Variants in CTBP2 observed in about 807,000 individuals in gnomAD.
CTBP2 encodes the protein C-terminal binding protein 2.
A neutral mutation model predicts 80.3 loss-of-function variants in CTBP2; 30 were observed. That is an observed-to-expected ratio of 0.37 (90% CI 0.28 to 0.51). CTBP2 has a LOEUF of 0.51. Ranked by LOEUF, CTBP2 falls within the 20% of genes least tolerant of loss-of-function variation. The pLI, the probability that CTBP2 is intolerant of heterozygous loss-of-function variation, is 0.93. For missense variants in CTBP2, 1,212 were observed against 1,375.3 expected (o/e 0.88, Z 1.88); for synonymous variants, 594 against 587.4 (o/e 1.01, Z -0.16).
intron 1 of CTBP2, among the ~76,000 whole-genome samples, chr10:125,010,791 A>G (rs1285846059): frequency 6.6e-6 from 1 of 152,140 alleles, no homozygotes; most frequent in Non-Finnish European, 1.5e-5. Flanking sequence ...CATGAAGCAC[A>G]CCTTCTAAAC....
chr10:125,067,310 T>C (rs1844799999), intron 2 of CTBP2, among the ~76,000 whole-genome samples: 1 of 152,092 alleles, frequency 6.6e-6, no homozygotes, highest in Non-Finnish European at 1.5e-5. Context: ...AGAAAGACAG[T>C]GACATACAAG....
At chr10:125,014,615 A>G (rs1021863558) in intron 1 of CTBP2, among the ~76,000 whole-genome samples, 3 of 152,252 alleles carry the variant, frequency 2.0e-5, no homozygotes, top group African/African-American at 4.8e-5. Flanking sequence ...AAATGGCCCA[A>G]ATGCCCTGTG....
chr10:125,041,499 T>TCCCCCCCCCCCCCCCCCCCCCC (rs1227689438), intron 2 of CTBP2, among the ~76,000 whole-genome samples: 1 of 30,310 alleles, frequency 3.3e-5, no homozygotes, highest in Non-Finnish European at 7.3e-5. Flanking sequence ...CTTTTGTCCA[T>TCCCCCCCCCCCCCCCCCCCCCC]CCCCACCCCC....
In CTBP2 at chr10:125,103,706, C is replaced by T. The variant is rs377149848; in HGVS notation, c.-102+7284G>A. Among the ~76,000 whole-genome samples, 178 of 152,234 alleles carry T rather than the reference C, an allele frequency of 1.2e-3. 2 individuals are homozygous for T. The highest frequency in any genetic ancestry group is 4.0e-3 in the African/African-American group (168 of 41,532). Reference sequence around the variant, plus strand: ...GCAGGCCCCATCCATGCCCCCCAGGCGTCCCACCACCGCGGAAGTGGGTGA... The same window carrying T: ...GCAGGCCCCATCCATGCCCCCCAGGTGTCCCACCACCGCGGAAGTGGGTGA... On this transcript the variant is annotated intron_variant, in intron 2 of 10. Transcript: ENST00000337195.
rs1952038163 is a variant in CTBP2, at chr10:124,986,287, GCGCGCACACACACA to G, written c.*3217_*3230del. 2.7e-5 allele frequency: 2 copies of G among 73,094 alleles called. No homozygotes were observed. The highest frequency in any genetic ancestry group is 8.4e-5 in the African/African-American group (2 of 23,764). The allele number at this position is 73,094 out of a possible 1,614,324, so 4.5% of individuals were successfully genotyped here. On this transcript the variant is annotated 3_prime_UTR_variant, in exon 9 of 9. Transcript: ENST00000309035. ...GGAAAGACGACACACGCACGCGCGC[GCGCGCACACACACA>G]CACACACACACACACACACACAGTT...
intron 2 of CTBP2, among the ~76,000 whole-genome samples, chr10:125,057,591 T>C (rs2135295011): frequency 6.6e-6 from 1 of 152,342 alleles, no homozygotes; most frequent in Non-Finnish European, 1.5e-5. Flanking sequence ...AATCTCCAGC[T>C]TGACTTTTTC....
At chr10:125,106,565 C>T (rs902429635) in intron 2 of CTBP2, among the ~76,000 whole-genome samples, 3 of 152,202 alleles carry the variant, frequency 2.0e-5, no homozygotes, top group African/African-American at 7.2e-5. Flanking sequence ...GAAGCGGACA[C>T]CACGCCTCCA....
At chr10:125,134,635 C>T (rs1001987286) in intron 1 of CTBP2, among the ~76,000 whole-genome samples, 2 of 152,172 alleles carry the variant, frequency 1.3e-5, no homozygotes, top group African/African-American at 2.4e-5. Flanking sequence ...TCCTTTTCTG[C>T]CCCCGCACCA....
intron 1 of CTBP2, among the ~76,000 whole-genome samples, chr10:125,025,058 G>A (rs965509103): frequency 1.3e-5 from 2 of 152,078 alleles, no homozygotes; most frequent in South Asian, 2.1e-4. Context: ...GAGGTCCAGC[G>A]CCTCGGTCCC....
chr10:125,118,643 G>A (rs546597277), intron 1 of CTBP2, among the ~76,000 whole-genome samples: 59 of 150,034 alleles, frequency 3.9e-4, no homozygotes, highest in African/African-American at 1.4e-3. Context: ...TACCTGAGTG[G>A]GGCACGACAG....
chr10:124,994,742 A>C, intron 4 of CTBP2, 59 bp from the exon 7 acceptor site: 12 of 1,536,942 alleles, frequency 7.8e-6, no homozygotes, highest in South Asian at 1.1e-5. Flanking sequence ...CAGCGCTGCC[A>C]CCTCCATTGC....
In CTBP2 at chr10:125,095,079, T is replaced by C. The variant is rs367595297; in HGVS notation, c.-102+15911A>G. Among the ~76,000 whole-genome samples, 9 of 152,152 alleles carry C rather than the reference T, an allele frequency of 5.9e-5. No individual in the cohort carries two copies. In the East Asian group the frequency reaches 7.7e-4, roughly 13 times the overall value. ...CAGCCAAGTGTGGCTGAGGTGGAGCTGAGAACAGGAGGTCCCCTGAGGATG... is the reference window on the plus strand; with the variant it reads ...CAGCCAAGTGTGGCTGAGGTGGAGCCGAGAACAGGAGGTCCCCTGAGGATG... On this transcript the variant is annotated intron_variant, in intron 2 of 10. Transcript: ENST00000337195.
At chr10:125,120,522 G>A (rs1367587535) in intron 1 of CTBP2, among the ~76,000 whole-genome samples, 4 of 152,156 alleles carry the variant, frequency 2.6e-5, no homozygotes, top group African/African-American at 9.7e-5. Flanking sequence ...GAGTAGCTGG[G>A]ATTATAGGCA....
chr10:125,105,681 A>T (rs4962726), intron 2 of CTBP2, among the ~76,000 whole-genome samples: 36,809 of 150,062 alleles, frequency 0.25, 4,906 homozygotes, highest in South Asian at 0.46. Context: ...ACATTTTTTT[A>T]AAAAAAAACA....
intron 1 of CTBP2, among the ~76,000 whole-genome samples, chr10:125,129,827 C>T (rs149464816): frequency 5.9e-5 from 9 of 152,172 alleles, no homozygotes; most frequent in Admixed American, 1.3e-4. Context: ...AAACAGCACA[C>T]GACAGAGCAG....
At chr10:124,998,292 G>C (rs567614111) in intron 3 of CTBP2, 122 bp from the exon 6 acceptor site, 1 of 1,140,854 alleles carries the variant, frequency 8.8e-7, no homozygotes. Flanking sequence ...CCACCTTATC[G>C]TCTAGCAGAC....
chr10:125,128,695 T>C (rs931874202), intron 1 of CTBP2, among the ~76,000 whole-genome samples: 5 of 152,222 alleles, frequency 3.3e-5, no homozygotes, highest in African/African-American at 9.6e-5. Context: ...GTTTAAAAAA[T>C]AGCTGACTTC....
chr10:125,044,745 C>G (rs939303982), intron 2 of CTBP2, among the ~76,000 whole-genome samples: 1 of 152,128 alleles, frequency 6.6e-6, no homozygotes, highest in Non-Finnish European at 1.5e-5. Context: ...CAGCCTGGGC[C>G]ACCCAGTGAG....
At chr10:125,097,450 G>T (rs75763750) in intron 2 of CTBP2, among the ~76,000 whole-genome samples, 4,227 of 152,188 alleles carry the variant, frequency 0.028, 199 homozygotes, top group African/African-American at 0.097. Context: ...TTTGTCTAAG[G>T]CCTCAGTTCT....
Sources: gnomAD v4.1 joint callset for allele counts (sites outside exome capture counted in the v4.1 genomes callset) on GRCh38, gnomAD v4.1.1 for gene constraint, MANE v1.5 for transcripts, NCBI Gene and HGNC (gene_info 2026-07-23, HGNC 2026-07-21) for gene names.